ZNF69: variants seen among roughly 807,000 people sequenced by gnomAD.
The protein encoded by ZNF69 is zinc finger protein 69.
ZNF69 carries 47 observed loss-of-function variants against 50.9 expected under a neutral mutation model. The observed-to-expected ratio is 0.92, with a 90% CI of 0.73 to 1.18. The LOEUF is 1.18. Among genes scored for constraint, ZNF69 ranks in the 50% most tolerant of loss-of-function variants. The pLI is 0.00. For synonymous variants in ZNF69, 216 were observed against 223.1 expected (o/e 0.97, Z 0.29); for missense variants, 717 against 675.1 (o/e 1.06, Z -0.69).
At chr19:11,969,329 T>C in the ZNF69 span, among the ~76,000 whole-genome samples, 17 of 152,340 alleles carry the variant, frequency 1.1e-4, no homozygotes, top group African/African-American at 4.1e-4. Context: ...GGTCTTGAAC[T>C]TCTGTCCTCA....
chr19:11,966,418 G>C, the ZNF69 span, among the ~76,000 whole-genome samples: 1 of 152,172 alleles, frequency 6.6e-6, no homozygotes, highest in Non-Finnish European at 1.5e-5. Context: ...CTGTCGCCCA[G>C]GCTGGAGTGC....
the ZNF69 span, among the ~76,000 whole-genome samples, chr19:11,945,576 G>A: frequency 7.2e-5 from 11 of 152,232 alleles, no homozygotes; most frequent in East Asian, 9.7e-4. Context: ...CTGGGCCCCA[G>A]GCTTAACTTC....
At chr19:11,965,355 C>T in the ZNF69 span, 4 of 1,164,862 alleles carry the variant, frequency 3.4e-6, no homozygotes, top group Non-Finnish European at 4.9e-6. Context: ...GGCCCTCGGT[C>T]CCCTCGGCCG....
At chr19:11,939,251 T>C in the ZNF69 span, among the ~76,000 whole-genome samples, 875 of 152,358 alleles carry the variant, frequency 5.7e-3, 7 homozygotes, top group African/African-American at 0.02. Flanking sequence ...TTTGTCAATT[T>C]TGGCTTTTGT....
chr19:11,925,694 A>G, the ZNF69 span, among the ~76,000 whole-genome samples: 39 of 152,304 alleles, frequency 2.6e-4, no homozygotes, highest in Middle Eastern at 3.4e-3. Context: ...TACGTTAACA[A>G]TTAAAGAGTT....
chr19:11,977,051 G>T, the ZNF69 span: 14 of 1,614,198 alleles, frequency 8.7e-6, no homozygotes, highest in African/African-American at 1.1e-4. Context: ...CCTGTGGCCT[G>T]TGAGGATGTT....
At chr19:11,946,980 C>T in the ZNF69 span, 2 of 1,040,870 alleles carry the variant, frequency 1.9e-6, no homozygotes, top group Non-Finnish European at 1.3e-6. Context: ...AAGAGTGAAA[C>T]TCTGTCTCAA....
At chr19:11,948,861 A>G in the ZNF69 span, 8 of 1,603,960 alleles carry the variant, frequency 5.0e-6, no homozygotes, top group Non-Finnish European at 6.8e-6. Flanking sequence ...AGCCCTATGA[A>G]TGTAGCAAAT....
the ZNF69 span, among the ~76,000 whole-genome samples, chr19:11,963,489 G>A: frequency 1.3e-5 from 2 of 152,282 alleles, no homozygotes; most frequent in South Asian, 4.1e-4. Flanking sequence ...ACCCCATTTT[G>A]CAGCAGTGGT....
At chr19:11,964,774 G>C in the ZNF69 span, among the ~76,000 whole-genome samples, 1 of 144,300 alleles carries the variant, frequency 6.9e-6, no homozygotes, top group East Asian at 1.9e-4. Flanking sequence ...AAAATCCCTT[G>C]AGTGAGGAAG....
At chr19:11,932,634 G>A in the ZNF69 span, among the ~76,000 whole-genome samples, 7 of 121,594 alleles carry the variant, frequency 5.8e-5, no homozygotes, top group Non-Finnish European at 9.7e-5. Flanking sequence ...ACCAATATGT[G>A]ATTTTTTTTT....
intron 1 of ZNF69, among the ~76,000 whole-genome samples, chr19:11,897,142 G>A (rs993381915): frequency 2.6e-5 from 4 of 152,144 alleles, no homozygotes; most frequent in Non-Finnish European, 5.9e-5. Context: ...GAGGTCAGGA[G>A]TTCAAGACCA....
chr19:11,892,481 A>T (rs910727263), intron 1 of ZNF69, among the ~76,000 whole-genome samples: 3 of 152,084 alleles, frequency 2.0e-5, no homozygotes, highest in Non-Finnish European at 2.9e-5. Context: ...AGAGGGGCCC[A>T]GTGGGATGGC....
At chr19:11,936,597 T>C in the ZNF69 span, among the ~76,000 whole-genome samples, 1 of 152,164 alleles carries the variant, frequency 6.6e-6, no homozygotes, top group Non-Finnish European at 1.5e-5. Context: ...AGTCGTTTGT[T>C]GGATGGGTAG....
intron 1 of ZNF69, among the ~76,000 whole-genome samples, chr19:11,891,372 A>G (rs1977082884): frequency 8.7e-6 from 1 of 115,480 alleles, no homozygotes; most frequent in African/African-American, 4.5e-5. Context: ...GCCTGTCTGT[A>G]TTAAAAAAAA....
downstream of ZNF69, among the ~76,000 whole-genome samples, chr19:11,915,028 AC>A (rs2145257875): frequency 6.6e-6 from 1 of 152,288 alleles, no homozygotes; most frequent in Non-Finnish European, 1.5e-5. Flanking sequence ...ACATGGTGAA[AC>A]CCTGTCTCTA....
the ZNF69 span, among the ~76,000 whole-genome samples, chr19:11,957,326 C>A: frequency 6.6e-6 from 1 of 151,672 alleles, no homozygotes; most frequent in African/African-American, 2.4e-5. Context: ...AATCTCCTGA[C>A]CTCGTGATCT....
chr19:11,962,729 C>G, the ZNF69 span, among the ~76,000 whole-genome samples: 4 of 152,038 alleles, frequency 2.6e-5, no homozygotes, highest in African/African-American at 7.3e-5. Context: ...AGCAGTTAAC[C>G]GGAACTATCA....
the ZNF69 span, chr19:11,977,996 C>A: frequency 7.9e-7 from 1 of 1,266,622 alleles, no homozygotes; most frequent in Non-Finnish European, 1.1e-6. Context: ...TACCTTCAAA[C>A]AATTCAGCCA....
Sources: allele counts gnomAD v4.1 joint callset (sites outside exome capture counted in the v4.1 genomes callset), GRCh38; gene constraint gnomAD v4.1.1; transcripts MANE v1.5; gene names NCBI Gene and HGNC (gene_info 2026-07-23, HGNC 2026-07-21).